The following MRTFB variants were observed in gnomAD, a reference collection of about 807,000 sequenced individuals.
MRTFB encodes myocardin related transcription factor B.
In MRTFB, 29 loss-of-function variants were observed where a neutral mutation model predicts 104.2. That is an observed-to-expected ratio of 0.28 (90% confidence interval 0.21 to 0.38). MRTFB has a LOEUF of 0.38. MRTFB is among the 10% of genes least tolerant of loss of function. MRTFB has a pLI of 1.00. For synonymous variants in MRTFB, 535 were observed against 519.5 expected, an observed-to-expected ratio of 1.03 and a Z score of -0.41; for missense variants, 1,270 against 1,341.6, an observed-to-expected ratio of 0.95 and a Z score of 0.83.
At chr16:14,068,604 CTG>C (rs1269153951), upstream of MRTFB, among the ~76,000 whole-genome samples, 1 of 152,060 alleles carries the variant, frequency 6.6e-6, no homozygotes, top group Non-Finnish European at 1.5e-5. Flanking sequence ...TTGCGTGTTG[CTG>C]TGTGTGTTGT....
At chr16:14,022,132 C>T in the MRTFB span, among the ~76,000 whole-genome samples, 5 of 152,194 alleles carry the variant, frequency 3.3e-5, no homozygotes, top group Admixed American at 6.5e-5. Context: ...TTAATCACAC[C>T]TGCAAAATCT....
At chr16:14,131,872 A>C (rs1183557884) in intron 2 of MRTFB, among the ~76,000 whole-genome samples, 1 of 152,128 alleles carries the variant, frequency 6.6e-6, no homozygotes, top group East Asian at 1.9e-4. Context: ...GCAGTTGGGC[A>C]TTCTCTCAAA....
chr16:14,160,015 A>G (rs929914462), intron 3 of MRTFB, among the ~76,000 whole-genome samples: 1 of 152,140 alleles, frequency 6.6e-6, no homozygotes, highest in African/African-American at 2.4e-5. Flanking sequence ...TTAAGAATAA[A>G]TACATTCTCC....
intron 8 of MRTFB, among the ~76,000 whole-genome samples, chr16:14,229,163 C>T (rs2042147214): frequency 6.6e-6 from 1 of 152,178 alleles, no homozygotes; most frequent in East Asian, 1.9e-4. Flanking sequence ...ACCCACTGAA[C>T]GTCCACTAGA....
chr16:14,047,499 T>TA, the MRTFB span, among the ~76,000 whole-genome samples: 13 of 152,218 alleles, frequency 8.5e-5, no homozygotes, highest in African/African-American at 2.9e-4. Context: ...AGTCCGTTCT[T>TA]ACGCTGCTGT....
At chr16:14,105,219 T>C (rs1695327670) in intron 2 of MRTFB, among the ~76,000 whole-genome samples, 1 of 152,228 alleles carries the variant, frequency 6.6e-6, no homozygotes, top group Non-Finnish European at 1.5e-5. Flanking sequence ...GTTCTCATAC[T>C]ACCCCTTGTA....
the MRTFB span, chr16:14,009,723 ATATGT>A: frequency 6.6e-6 from 1 of 152,132 alleles, no homozygotes; most frequent in African/African-American, 2.4e-5. Flanking sequence ...ATTGTGAAGC[ATATGT>A]TTTGCTCTTC....
chr16:14,080,506 C>G (rs1359159965), intron 2 of MRTFB, among the ~76,000 whole-genome samples: 1 of 152,160 alleles, frequency 6.6e-6, no homozygotes, highest in African/African-American at 2.4e-5. Context: ...CATTTACTCT[C>G]TTTGTATTTA....
the MRTFB span, among the ~76,000 whole-genome samples, chr16:14,064,832 A>G: frequency 0.015 from 2,222 of 152,244 alleles, 39 homozygotes; most frequent in African/African-American, 0.042. Context: ...CTATTTTTGT[A>G]CCAGAACCAC....
chr16:14,227,341 CT>C (rs1472406477), intron 8 of MRTFB, among the ~76,000 whole-genome samples: 1 of 152,094 alleles, frequency 6.6e-6, no homozygotes, highest in Non-Finnish European at 1.5e-5. Flanking sequence ...CTCTCTCTTG[CT>C]TCCTCTTTTC....
chr16:14,095,385 G>A lies in MRTFB; in HGVS notation c.-64+16031G>A, dbSNP rs139967376. Reference sequence around the variant, plus strand: ...AATGGGAAATGGCTCTGTGACCTTGGGCAAGTTACTTAAGCTTGTTAACAC... The same window carrying A: ...AATGGGAAATGGCTCTGTGACCTTGAGCAAGTTACTTAAGCTTGTTAACAC... On this transcript the variant is annotated intron_variant, in intron 2 of 16. Coordinates refer to ENST00000571589, the MANE Select transcript of MRTFB (RefSeq NM_001308142.2). Among the ~76,000 whole-genome samples, 12 of 152,270 alleles carry A rather than the reference G, an allele frequency of 7.9e-5. No individual in the cohort carries two copies. The East Asian group carries it at 2.3e-3, about 29-fold the overall frequency.
At chr16:14,217,540 G>A (rs2041480710) in intron 7 of MRTFB, among the ~76,000 whole-genome samples, 1 of 152,082 alleles carries the variant, frequency 6.6e-6, no homozygotes, top group African/African-American at 2.4e-5. Context: ...ACCTTTTGGG[G>A]TCCATCTCTT....
At chr16:14,035,296 G>A in the MRTFB span, among the ~76,000 whole-genome samples, 37 of 152,316 alleles carry the variant, frequency 2.4e-4, 1 homozygote, top group African/African-American at 8.4e-4. Flanking sequence ...ACAGCCAGGA[G>A]GTGGCAGGTC....
rs1194429637 is a variant in MRTFB at position 14,247,530 on chromosome 16, A to G, written c.2247+23A>G. On this transcript the variant is annotated intron_variant, in intron 12 of 16. Transcript: ENST00000571589. ...CAGGTGTGAAGTGTGTCTTCTAACT[A>G]CTTTGCCTTACAGCATGCATGGAAT... 5.2e-6 allele frequency: 8 copies of G among 1,525,442 alleles called. No individual in the cohort carries two copies. The East Asian group carries it at 7.3e-5, about 14-fold the overall frequency. 94.5% of individuals were successfully genotyped at this position (1,525,442 alleles called of 1,614,324 possible).
the MRTFB span, among the ~76,000 whole-genome samples, chr16:14,032,960 C>G: frequency 0.014 from 2,160 of 152,068 alleles, 45 homozygotes; most frequent in African/African-American, 0.05. Flanking sequence ...TAGTTGGAAC[C>G]ACAGACATGC....
intron 2 of MRTFB, among the ~76,000 whole-genome samples, chr16:14,091,047 G>A (rs1413279306): frequency 1.3e-5 from 2 of 152,022 alleles, no homozygotes; most frequent in African/African-American, 4.8e-5. Flanking sequence ...CTTAGTGATG[G>A]GGAGTCACTG....
In MRTFB at chr16:14,264,381, T is replaced by C. The variant is rs1008137652; in HGVS notation, c.*2937T>C. On this transcript the variant is annotated 3_prime_UTR_variant, in exon 17 of 17. Coordinates refer to ENST00000571589, the MANE Select transcript of MRTFB (RefSeq NM_001308142.2). ...AAGTTATACCAAAATTTCTGTAAAG[T>C]CTTTGAAAGTCTAGGAGTAGGTGGT... 1 of 152,176 alleles carries C rather than the reference T, an allele frequency of 6.6e-6. No homozygotes were observed. The highest frequency in any genetic ancestry group is 6.5e-5 in the Admixed American group (1 of 15,280). 9.4% of individuals were successfully genotyped at this position (152,176 alleles called of 1,614,324 possible). A position where few individuals can be genotyped will look rare whatever the true frequency, so the allele number is the denominator to read the frequency against.
rs1381965621 is a variant in MRTFB, at chr16:14,072,690, A to G, written c.-129+1325A>G. 3.3e-5 allele frequency among the ~76,000 whole-genome samples: 5 copies of G among 152,198 alleles called. No individual in the cohort carries two copies. The East Asian group carries it at 9.6e-4, about 29-fold the overall frequency. The stretch of plus-strand genomic sequence containing the variant: ...ACAGAGTGAGGCCGCTACTTCAGGG[A>G]AAGAGCAGAGATACAGACGGAGGTT... On this transcript the variant is annotated intron_variant, in intron 1 of 16. Coordinates refer to ENST00000571589, the MANE Select transcript of MRTFB (RefSeq NM_001308142.2).
intron 12 of MRTFB, 117 bp from the exon 13 acceptor site, chr16:14,248,809 T>C: frequency 9.4e-7 from 1 of 1,059,930 alleles, no homozygotes; most frequent in South Asian, 1.6e-5. Flanking sequence ...ATCTGTAACC[T>C]TGGTCTTATT....
Sources: allele counts gnomAD v4.1 joint callset (sites outside exome capture counted in the v4.1 genomes callset), GRCh38; gene constraint gnomAD v4.1.1; transcripts MANE v1.5; gene names NCBI Gene and HGNC (gene_info 2026-07-23, HGNC 2026-07-21).